The following PCDHA3 variants were observed in gnomAD, a reference collection of about 807,000 sequenced individuals.
The protein encoded by PCDHA3 is protocadherin alpha-3.
PCDHA3 carries 41 observed loss-of-function variants against 62.2 expected under a neutral mutation model. The observed-to-expected ratio is 0.66, with a 90% CI of 0.51 to 0.86. PCDHA3 has a LOEUF of 0.86. Ranked by LOEUF, PCDHA3 falls within the 40% of genes least tolerant of loss-of-function variation. The pLI is 0.00. For missense variants in PCDHA3, 1,304 were observed against 1,241.2 expected (o/e 1.05, Z -0.76); for synonymous variants, 640 against 555.4 (o/e 1.15, Z -2.14).
At chr5:140,929,205 G>T in intron 1 of PCDHA3, 1 of 1,614,120 alleles carries the variant, frequency 6.2e-7, no homozygotes, top group Non-Finnish European at 8.5e-7. Flanking sequence ...GTTTGCTGTT[G>T]CGTGGGGAGT....
At chr5:140,829,217 G>A in intron 1 of PCDHA3, 4 of 1,614,204 alleles carry the variant, frequency 2.5e-6, no homozygotes, top group East Asian at 4.5e-5. Flanking sequence ...TAGCGTGAAC[G>A]ACCTCGATTC....
chr5:140,884,092 G>C, intron 1 of PCDHA3: 2 of 1,613,556 alleles, frequency 1.2e-6, no homozygotes, highest in Non-Finnish European at 1.7e-6. Context: ...CGTGGCTTTC[G>C]TATGAATTGC....
Position 140,801,764 on chromosome 5 carries a change from T to C in PCDHA3, c.567T>C (p.Ile189=), listed in dbSNP as rs1762778579. Residue 189 remains isoleucine (I), a synonymous_variant, in exon 1 of 4, where the codon ATT becomes ATC. Transcript: ENST00000522353. ...TLDVKRNDEE[I]KSLGLVLKKN... Reference sequence around the variant, plus strand: ...ACGTTAAAAGAAATGATGAGGAAATTAAATCCCTTGGACTCGTGTTGAAAA... The same window carrying C: ...ACGTTAAAAGAAATGATGAGGAAATCAAATCCCTTGGACTCGTGTTGAAAA... 1 of 1,613,838 alleles carries C rather than the reference T, an allele frequency of 6.2e-7. No homozygotes were observed. The highest frequency in any genetic ancestry group is 8.5e-7 in the Non-Finnish European group (1 of 1,180,004).
intron 1 of PCDHA3, among the ~76,000 whole-genome samples, chr5:140,951,450 C>A: frequency 6.6e-6 from 1 of 151,922 alleles, no homozygotes; most frequent in East Asian, 1.9e-4. Flanking sequence ...ATGATGCCGG[C>A]CATCTGCTTG....
Position 140,857,494 on chromosome 5 carries a change from C to A in PCDHA3, c.2394+53903C>A, listed in dbSNP as rs189056024. Reference sequence around the variant, plus strand: ...TCACGGTGTCTGCGTGGGACGCGGACGCGCAGGAGAACGCCCTGGTGTCCT... The same window carrying A: ...TCACGGTGTCTGCGTGGGACGCGGAAGCGCAGGAGAACGCCCTGGTGTCCT... On this transcript the variant is annotated intron_variant, in intron 1 of 3. Coordinates refer to ENST00000522353, the MANE Select transcript of PCDHA3 (RefSeq NM_018906.3). 3.8e-5 allele frequency: 60 copies of A among 1,598,330 alleles called. 2 individuals are homozygous for A. In the East Asian group the frequency reaches 1.2e-3, roughly 32 times the overall value.
chr5:140,995,206 G>A (rs1179914547), intron 3 of PCDHA3, among the ~76,000 whole-genome samples: 2 of 151,988 alleles, frequency 1.3e-5, no homozygotes, highest in African/African-American at 2.4e-5. Context: ...TATAAATTAG[G>A]CACAATACTC....
intron 1 of PCDHA3, chr5:140,882,727 A>G (rs1554175345): frequency 6.2e-7 from 1 of 1,614,250 alleles, no homozygotes. Context: ...CTCGATTTCC[A>G]CTAGATGGCG....
intron 1 of PCDHA3, among the ~76,000 whole-genome samples, chr5:140,974,558 C>A (rs984567503): frequency 4.5e-4 from 68 of 152,132 alleles, no homozygotes; most frequent in African/African-American, 1.6e-3. Context: ...GTTGCCCAGG[C>A]TGGAGTGCAA....
chr5:140,889,028 C>G (rs1015343865), intron 1 of PCDHA3, among the ~76,000 whole-genome samples: 1 of 151,754 alleles, frequency 6.6e-6, no homozygotes. Flanking sequence ...CTTGGATAAC[C>G]GTAATTTGAT....
intron 1 of PCDHA3, chr5:140,929,720 C>A (rs146702581): frequency 4.5e-6 from 1 of 224,040 alleles, no homozygotes; most frequent in Admixed American, 5.9e-5. Context: ...GAAGGTGAAA[C>A]ATTTACTTAA....
chr5:140,927,897 T>A, intron 1 of PCDHA3: 1 of 1,614,204 alleles, frequency 6.2e-7, no homozygotes, highest in African/African-American at 1.3e-5. Flanking sequence ...ACGTGAACGA[T>A]CATGCCCCCG....
chr5:140,828,263 G>C, intron 1 of PCDHA3: 1 of 1,614,056 alleles, frequency 6.2e-7, no homozygotes, highest in Non-Finnish European at 8.5e-7. Context: ...GGAGCTGGCG[G>C]AGCTGGTGCC....
intron 1 of PCDHA3, chr5:140,867,128 A>G (rs1328487179): frequency 2.0e-5 from 3 of 152,164 alleles, no homozygotes; most frequent in African/African-American, 4.8e-5. Flanking sequence ...TAATTCAAAT[A>G]TGTGATATTA....
intron 1 of PCDHA3, among the ~76,000 whole-genome samples, chr5:140,932,376 A>G (rs2088262778): frequency 6.6e-6 from 1 of 151,964 alleles, no homozygotes; most frequent in African/African-American, 2.4e-5. Context: ...TTTCCACATG[A>G]AAGTTATACA....
At chr5:140,921,131 C>T (rs532456439) in intron 1 of PCDHA3, among the ~76,000 whole-genome samples, 9 of 132,934 alleles carry the variant, frequency 6.8e-5, no homozygotes, top group Non-Finnish European at 1.1e-4. Context: ...CAGGTGCACA[C>T]CACTACACCC....
At chr5:140,877,578 C>A (rs782777600) in intron 1 of PCDHA3, 6 of 1,613,700 alleles carry the variant, frequency 3.7e-6, no homozygotes, top group East Asian at 2.2e-5. Flanking sequence ...ACCTCATCAT[C>A]GCCATCTGTG....
chr5:140,852,094 C>A, intron 1 of PCDHA3: 2 of 907,306 alleles, frequency 2.2e-6, no homozygotes, highest in Non-Finnish European at 2.7e-6. Flanking sequence ...AATATTGTGT[C>A]AGATATTTTA....
chr5:140,968,081 G>A, intron 1 of PCDHA3: 2 of 1,614,120 alleles, frequency 1.2e-6, no homozygotes, highest in Non-Finnish European at 1.7e-6. Context: ...CAACATCACG[G>A]TGACAGCCAC....
At chr5:140,965,066 G>A (rs931765352) in intron 1 of PCDHA3, among the ~76,000 whole-genome samples, 3 of 152,164 alleles carry the variant, frequency 2.0e-5, no homozygotes, top group Non-Finnish European at 4.4e-5. Flanking sequence ...CAAATGTCAG[G>A]TCTCACTCTG....
Sources: gnomAD v4.1 joint callset for allele counts (sites outside exome capture counted in the v4.1 genomes callset) on GRCh38, gnomAD v4.1.1 for gene constraint, MANE v1.5 for transcripts, NCBI Gene and HGNC (gene_info 2026-07-23, HGNC 2026-07-21) for gene names.